ANO6: variants seen among roughly 807,000 people sequenced by gnomAD.
The protein encoded by ANO6 is anoctamin-6.
ANO6 carries 106 observed loss-of-function variants against 117.5 expected under a neutral mutation model. The observed-to-expected ratio is 0.90, with a 90% CI of 0.77 to 1.06. The LOEUF is 1.06. Ranked by LOEUF, ANO6 falls within the 50% of genes least tolerant of loss-of-function variation. ANO6 has a pLI of 0.00. For synonymous variants in ANO6, 367 were observed against 385.1 expected, an observed-to-expected ratio of 0.95 and a Z score of 0.55; for missense variants, 955 against 1,121.1, an observed-to-expected ratio of 0.85 and a Z score of 2.12.
At chr12:45,358,824 G>A (rs529895565) in intron 8 of ANO6, among the ~76,000 whole-genome samples, 2 of 146,572 alleles carry the variant, frequency 1.4e-5, no homozygotes, top group African/African-American at 5.1e-5. Flanking sequence ...TTGCTGTGTC[G>A]CCCAGGCTGG....
chr12:45,271,188 A>G (rs1048369950), intron 1 of ANO6, among the ~76,000 whole-genome samples: 3 of 152,230 alleles, frequency 2.0e-5, no homozygotes, highest in Admixed American at 1.3e-4. Flanking sequence ...GTGACCTTAC[A>G]TGTTACTCAA....
intron 12 of ANO6, among the ~76,000 whole-genome samples, chr12:45,393,205 A>G (rs530545100): frequency 1.6e-4 from 25 of 152,356 alleles, no homozygotes; most frequent in African/African-American, 5.5e-4. Context: ...TGCATGCACA[A>G]GCTTCAGTAG....
chr12:45,232,906 C>A (rs1261434951), intron 1 of ANO6, among the ~76,000 whole-genome samples: 2 of 152,174 alleles, frequency 1.3e-5, no homozygotes, highest in East Asian at 3.9e-4. Context: ...GCTTGGACCG[C>A]AGCAATTCTG....
At chr12:45,435,906 G>C (rs775472752), downstream of ANO6, among the ~76,000 whole-genome samples, 11 of 152,178 alleles carry the variant, frequency 7.2e-5, no homozygotes, top group Non-Finnish European at 1.6e-4. Context: ...TATACAAATG[G>C]ACAATGGCCA....
intron 1 of ANO6, among the ~76,000 whole-genome samples, chr12:45,241,378 C>G (rs1047402350): frequency 6.6e-6 from 1 of 152,246 alleles, no homozygotes; most frequent in Non-Finnish European, 1.5e-5. Flanking sequence ...ACAAAGTTCT[C>G]ATACCATGGT....
intron 2 of ANO6, among the ~76,000 whole-genome samples, chr12:45,317,486 G>A (rs1048725622): frequency 6.6e-6 from 1 of 151,702 alleles, no homozygotes; most frequent in Non-Finnish European, 1.5e-5. Flanking sequence ...ATTCCATGGT[G>A]TATATGTGCC....
intron 1 of ANO6, among the ~76,000 whole-genome samples, chr12:45,250,363 C>T (rs1036605053): frequency 1.3e-5 from 2 of 152,048 alleles, no homozygotes; most frequent in Non-Finnish European, 2.9e-5. Context: ...AAGATAAAGA[C>T]AGAAGAAAAT....
chr12:45,285,026 A>T (rs1213413404), intron 1 of ANO6, among the ~76,000 whole-genome samples: 1 of 152,268 alleles, frequency 6.6e-6, no homozygotes, highest in African/African-American at 2.4e-5. Context: ...ATTTAGCTGT[A>T]GTCAGATAAT....
intron 7 of ANO6, among the ~76,000 whole-genome samples, chr12:45,356,102 C>G (rs920521493): frequency 2.0e-5 from 3 of 152,184 alleles, no homozygotes; most frequent in African/African-American, 7.2e-5. Flanking sequence ...ACAATTTTGG[C>G]ACTGCTTCTT....
downstream of ANO6, among the ~76,000 whole-genome samples, chr12:45,432,708 C>T (rs1466077399): frequency 1.3e-5 from 2 of 152,194 alleles, no homozygotes; most frequent in African/African-American, 2.4e-5. Flanking sequence ...CCATTCATTT[C>T]CTTTTTAAAA....
chr12:45,317,433 C>CT (rs1940087061), intron 2 of ANO6, among the ~76,000 whole-genome samples: 1 of 151,446 alleles, frequency 6.6e-6, no homozygotes, highest in Non-Finnish European at 1.5e-5. Flanking sequence ...CAACCATGTC[C>CT]CTGCAAAGGA....
At chr12:45,278,476 T>C (rs1019734041) in intron 1 of ANO6, among the ~76,000 whole-genome samples, 1 of 152,246 alleles carries the variant, frequency 6.6e-6, no homozygotes, top group African/African-American at 2.4e-5. Context: ...TCACCTCTTT[T>C]TGCTTAACTT....
intron 1 of ANO6, among the ~76,000 whole-genome samples, chr12:45,267,902 T>A (rs1021046315): frequency 6.6e-6 from 1 of 152,114 alleles, no homozygotes. Flanking sequence ...AGGGGAAGGG[T>A]ACAGGTATAT....
At chr12:45,274,267 C>T (rs553650742) in intron 1 of ANO6, among the ~76,000 whole-genome samples, 1 of 152,292 alleles carries the variant, frequency 6.6e-6, no homozygotes, top group Admixed American at 6.5e-5. Flanking sequence ...TGCTTTACAG[C>T]TGTCGGCTTT....
chr12:45,392,388 C>T (rs1395815846), intron 12 of ANO6, among the ~76,000 whole-genome samples: 1 of 152,208 alleles, frequency 6.6e-6, no homozygotes, highest in Non-Finnish European at 1.5e-5. Context: ...TCAACAAGGC[C>T]TAATGCATCC....
At chr12:45,317,135 A>ATATATATATATATATG (rs1320663999) in intron 2 of ANO6, among the ~76,000 whole-genome samples, 1 of 112,856 alleles carries the variant, frequency 8.9e-6, no homozygotes, top group Admixed American at 8.9e-5. Context: ...ATATATATTT[A>ATATATATATATATATG]TTATACTTTA....
At chr12:45,359,613 A>T (rs560622301) in intron 8 of ANO6, among the ~76,000 whole-genome samples, 2 of 149,598 alleles carry the variant, frequency 1.3e-5, no homozygotes, top group African/African-American at 4.8e-5. Flanking sequence ...ATGTTGTAGC[A>T]TGTATCAGTA....
At chr12:45,256,774 T>C (rs1937849557) in intron 1 of ANO6, 1 of 152,240 alleles carries the variant, frequency 6.6e-6, no homozygotes, top group Non-Finnish European at 1.5e-5. Context: ...CCAGGAAATT[T>C]ATAAAATGTA....
intron 2 of ANO6, among the ~76,000 whole-genome samples, chr12:45,317,042 G>A (rs966074954): frequency 1.4e-5 from 2 of 142,688 alleles, no homozygotes; most frequent in Non-Finnish European, 3.1e-5. Flanking sequence ...TTCTAAAACA[G>A]TAAGAAGGGT....
Sources: allele counts gnomAD v4.1 joint callset (sites outside exome capture counted in the v4.1 genomes callset), GRCh38; gene constraint gnomAD v4.1.1; transcripts MANE v1.5; gene names NCBI Gene and HGNC (gene_info 2026-07-23, HGNC 2026-07-21).